CAPN7: variants seen among roughly 807,000 people sequenced by gnomAD.
CAPN7 encodes the protein calpain 7.
A neutral mutation model predicts 115.2 loss-of-function variants in CAPN7; 72 were observed. That is an observed-to-expected ratio of 0.63 (90% CI 0.52 to 0.76). The LOEUF (loss-of-function observed/expected upper bound fraction) is 0.76. CAPN7 is among the 30% of genes least tolerant of loss of function. The pLI is 0.00. For synonymous variants in CAPN7, 344 were observed against 322.3 expected (o/e 1.07, Z -0.72); for missense variants, 905 against 971.5 (o/e 0.93, Z 0.91).
At chr3:15,243,865 A>G (rs1402013790) in intron 16 of CAPN7, among the ~76,000 whole-genome samples, 2 of 152,196 alleles carry the variant, frequency 1.3e-5, no homozygotes, top group African/African-American at 4.8e-5. Flanking sequence ...GGGTGATGAA[A>G]TAATATGCAC....
intron 5 of CAPN7, 44 bp downstream of exon 5, chr3:15,221,025 A>C: frequency 6.8e-7 from 1 of 1,468,140 alleles, no homozygotes; most frequent in Non-Finnish European, 9.5e-7. Context: ...TTTTGTTAAC[A>C]TGAATGCAGA....
chr3:15,229,964 A>G (rs1294066061), intron 8 of CAPN7, among the ~76,000 whole-genome samples: 7 of 152,162 alleles, frequency 4.6e-5, no homozygotes, highest in Admixed American at 3.9e-4. Context: ...CTTAGTTTCA[A>G]CTATTTGCCA....
At chr3:15,209,732 A>G (rs896829979) in intron 1 of CAPN7, among the ~76,000 whole-genome samples, 3 of 152,252 alleles carry the variant, frequency 2.0e-5, no homozygotes, top group African/African-American at 7.2e-5. Context: ...AAATAGTGCT[A>G]TATAAAAATA....
At chr3:15,247,844 A>G (rs1253178537) in intron 19 of CAPN7, among the ~76,000 whole-genome samples, 2 of 152,242 alleles carry the variant, frequency 1.3e-5, no homozygotes. Flanking sequence ...TGCAGTTTTT[A>G]AAAAATAAAA....
At chr3:15,241,818 C>CT (rs1192830598) in intron 15 of CAPN7, among the ~76,000 whole-genome samples, 1 of 152,074 alleles carries the variant, frequency 6.6e-6, no homozygotes, top group Non-Finnish European at 1.5e-5. Flanking sequence ...GGAGTTTGTG[C>CT]TTTTCAGTGA....
chr3:15,232,338 GAC>G (rs1194012313), intron 9 of CAPN7, among the ~76,000 whole-genome samples, 179 bp from the exon 10 acceptor site: 1 of 152,112 alleles, frequency 6.6e-6, no homozygotes, highest in Non-Finnish European at 1.5e-5. Flanking sequence ...ATTGAATAAA[GAC>G]ATCATATTAA....
intron 12 of CAPN7, among the ~76,000 whole-genome samples, chr3:15,235,496 G>A (rs6778702): frequency 0.12 from 17,929 of 151,706 alleles, 3,528 homozygotes; most frequent in African/African-American, 0.41. Context: ...AGCAGTGGTC[G>A]CCAACCTTTT....
At chr3:15,217,613 GTT>G in intron 3 of CAPN7, 31 bp downstream of exon 3, 1 of 1,547,166 alleles carries the variant, frequency 6.5e-7, no homozygotes, top group Non-Finnish European at 8.7e-7. Context: ...CGTTTGATGA[GTT>G]ATGCCAAACC....
intron 6 of CAPN7, among the ~76,000 whole-genome samples, chr3:15,225,376 G>A (rs1694252272): frequency 6.6e-6 from 1 of 151,996 alleles, no homozygotes; most frequent in African/African-American, 2.4e-5. Flanking sequence ...AGTTATTCTG[G>A]TATTTTCTTG....
At position 15,245,511 on chromosome 3, in the gene CAPN7, C is replaced by CT; in HGVS notation, c.1865-13dup. 2 of 1,604,596 alleles carry CT rather than the reference C, an allele frequency of 1.2e-6. No individual in the cohort carries two copies. Among genetic ancestry groups the CT allele is most frequent in the South Asian group, 2.2e-5 (2 of 88,994 alleles). ...AAAAGTCTCCTTTTCTCTAAGCCTA[C>CT]TTGTTTGTTTGCAGCTGACCCACCT... On this transcript the variant is annotated splice_polypyrimidine_tract_variant and intron_variant, in intron 16 of 20. Coordinates refer to ENST00000253693, the MANE Select transcript of CAPN7 (RefSeq NM_014296.3).
intron 16 of CAPN7, among the ~76,000 whole-genome samples, chr3:15,242,674 C>T (rs1313514256): frequency 1.3e-5 from 2 of 152,172 alleles, no homozygotes; most frequent in Non-Finnish European, 2.9e-5. Flanking sequence ...AGTTGCTACT[C>T]CAGAATACAC....
chr3:15,206,790 C>G (rs1460629293), intron 1 of CAPN7, among the ~76,000 whole-genome samples, 193 bp downstream of exon 1: 1 of 152,220 alleles, frequency 6.6e-6, no homozygotes, highest in African/African-American at 2.4e-5. Flanking sequence ...TGCGGGGAGG[C>G]TGGGTCGCGG....
chr3:15,223,586 T>A lies in CAPN7; in HGVS notation c.725+25T>A, dbSNP rs375269916. 1.1e-4 allele frequency: 143 copies of A among 1,331,910 alleles called. No homozygotes were observed. In the African/African-American group the frequency reaches 1.9e-3, roughly 18 times the overall value. 82.5% of individuals were successfully genotyped at this position (1,331,910 alleles called of 1,614,324 possible). A position where few individuals can be genotyped will look rare whatever the true frequency, so the allele number is the denominator to read the frequency against. On this transcript the variant is annotated intron_variant, in intron 6 of 20. Transcript: ENST00000253693. ...GGTAAGTAAGCACTGTTGCAATTTT[T>A]AACTCCAATATTTTAACTTTTCAGT...
In CAPN7 at chr3:15,237,832, C is replaced by T. The variant is rs146623499; in HGVS notation, c.1408-2641C>T. 5.5e-4 allele frequency among the ~76,000 whole-genome samples: 83 copies of T among 151,978 alleles called. 1 individual carries two copies. Among genetic ancestry groups the T allele is most frequent in the African/African-American group, 1.8e-3 (73 of 41,454 alleles). On this transcript the variant is annotated intron_variant, in intron 12 of 20. Coordinates refer to ENST00000253693, the MANE Select transcript of CAPN7 (RefSeq NM_014296.3). ...AATAAATAATTTTTTAAAAAATTAG[C>T]TGGGCATGGTGGCACGTGCCTGTAG...
rs764891156 is a variant in CAPN7 at position 15,229,060 on chromosome 3, G to T, written c.938+1G>T. The T allele has an allele frequency of 6.2e-7, 1 of 1,603,022 alleles. No homozygotes were observed. The highest frequency in any genetic ancestry group is 1.3e-5 in the African/African-American group (1 of 74,636). ...GTTTTAATAAGAAGTTAATTACCGG[G>T]TAAAAATGTGTCTCTCTTTACCTCT... On this transcript the variant is annotated splice_donor_variant, in intron 8 of 20. Transcript: ENST00000253693. LOFTEE classifies it high-confidence loss of function.
At position 15,222,915 on chromosome 3, in the gene CAPN7, G is replaced by A. The variant is rs145551566; in HGVS notation, c.639-560G>A. 2.6e-3 allele frequency among the ~76,000 whole-genome samples: 401 copies of A among 152,122 alleles called. 5 individuals are homozygous for A. Among genetic ancestry groups the A allele is most frequent in the African/African-American group, 9.2e-3 (380 of 41,500 alleles). ...TGCAACATCTCATAAATAGAATAAG[G>A]GAGAGAAACAGATACAAGAAGGAAA... On this transcript the variant is annotated intron_variant, in intron 5 of 20. Coordinates refer to ENST00000253693, the MANE Select transcript of CAPN7 (RefSeq NM_014296.3).
rs755938467 is a variant in CAPN7, at chr3:15,240,460, CT to C, written c.1408-7del. 1.1e-5 allele frequency: 17 copies of C among 1,605,554 alleles called. No individual in the cohort carries two copies. The highest frequency in any genetic ancestry group is 1.4e-5 in the Non-Finnish European group (17 of 1,177,962). ...TACAACTTAATGTTATCTCCTGTTTCTTTTTTATATAGGGGCTGCGATTTAT... is the reference window on the plus strand; with the variant it reads ...TACAACTTAATGTTATCTCCTGTTTCTTTTTATATAGGGGCTGCGATTTAT... On this transcript the variant is annotated splice_polypyrimidine_tract_variant and intron_variant, in intron 12 of 20. Transcript: ENST00000253693.
At chr3:15,230,777 G>A (rs1163374246) in intron 9 of CAPN7, among the ~76,000 whole-genome samples, 2 of 152,064 alleles carry the variant, frequency 1.3e-5, no homozygotes, top group Non-Finnish European at 2.9e-5. Context: ...AAAAAGTAAC[G>A]TTCAACTAAG....
chr3:15,251,176 T>C lies in CAPN7; in HGVS notation c.2358T>C (p.Pro786=), dbSNP rs755936470. The change falls in exon 21 of 21, where the codon CCT becomes CCC. Residue 786 remains proline, a synonymous_variant. Transcript: ENST00000253693. ...NIPSGIFNII[P]STFLPKQEGP... is the part of the protein sequence containing the mutation. ...CTTCTGGGATCTTCAATATCATTCC[T>C]AGTACCTTTTTGCCTAAACAAGAAG... 8.7e-6 allele frequency: 14 copies of C among 1,607,886 alleles called. No homozygotes were observed. Among genetic ancestry groups the C allele is most frequent in the Non-Finnish European group, 1.1e-5 (13 of 1,175,088 alleles).
Sources: allele counts gnomAD v4.1 joint callset (sites outside exome capture counted in the v4.1 genomes callset), GRCh38; gene constraint gnomAD v4.1.1; transcripts MANE v1.5; gene names NCBI Gene and HGNC (gene_info 2026-07-23, HGNC 2026-07-21).